The following NDE1 variants were observed in gnomAD, a reference collection of about 807,000 sequenced individuals.
The protein encoded by NDE1 is nudE neurodevelopment protein 1, also known as nuclear distribution protein nudE homolog 1.
A neutral mutation model predicts 43.4 loss-of-function variants in NDE1; 28 were observed. The ratio of observed to expected loss-of-function variants is 0.65; its 90% CI spans 0.48 to 0.89. NDE1 has a LOEUF of 0.89. NDE1 is among the 40% of genes least tolerant of loss of function. The pLI is 0.00. For missense variants in NDE1, 441 were observed against 434.1 expected (o/e 1.02, Z -0.14); for synonymous variants, 184 against 172.0 (o/e 1.07, Z -0.55).
At chr16:15,717,942 G>C (rs755255914) in intron 8 of NDE1, 11 of 363,770 alleles carry the variant, frequency 3.0e-5, no homozygotes, top group Non-Finnish European at 4.7e-5. Context: ...ATGGTCCCTA[G>C]TGCCCACCAT....
At chr16:15,720,117 T>C in intron 8 of NDE1, 1 of 1,613,856 alleles carries the variant, frequency 6.2e-7, no homozygotes. Context: ...GTGCCCTCCC[T>C]CCACCCATGC....
chr16:15,674,345 G>T (rs2037756920), intron 3 of NDE1, among the ~76,000 whole-genome samples: 1 of 152,126 alleles, frequency 6.6e-6, no homozygotes, highest in African/African-American at 2.4e-5. Context: ...CTGGGTTCAA[G>T]CGATTCTCCT....
At position 15,724,686 on chromosome 16, in the gene NDE1, C is replaced by G. The variant is rs1227526466; in HGVS notation, c.*435C>G. The G allele has an allele frequency of 6.2e-7, 1 of 1,614,182 alleles. No homozygotes were observed. Among genetic ancestry groups the G allele is most frequent in the Admixed American group, 1.7e-5 (1 of 60,022 alleles). ...TGGAGATGTGGCGCTCCAGGTTCTG[C>G]TTGGCCTCCATCTCCTCGTCCAGCT... On this transcript the variant is annotated 3_prime_UTR_variant, in exon 9 of 9. Coordinates refer to ENST00000396354, the MANE Select transcript of NDE1 (RefSeq NM_017668.3).
chr16:15,714,614 TGGA>T (rs1567682748), intron 8 of NDE1: 1 of 545,270 alleles, frequency 1.8e-6, no homozygotes, highest in Non-Finnish European at 3.3e-6. Flanking sequence ...AAGGAGGGGC[TGGA>T]GGAGACAGTG....
chr16:15,718,090 T>TGGCTGGAAAATGAGACACTGCAGC (rs1331289811), intron 8 of NDE1: 1 of 675,968 alleles, frequency 1.5e-6, no homozygotes, highest in East Asian at 2.8e-5. Context: ...AGCCACGCCG[T>TGGCTGGAAAATGAGACACTGCAGC]GGCTGGAAAA....
intron 8 of NDE1, among the ~76,000 whole-genome samples, chr16:15,698,577 G>C (rs961287896): frequency 6.6e-5 from 10 of 152,076 alleles, no homozygotes; most frequent in Admixed American, 6.6e-4. Context: ...TTTTAGGCCA[G>C]GTGCAGTGAA....
intron 8 of NDE1, chr16:15,717,005 C>A (rs2040187845): frequency 7.1e-6 from 7 of 979,670 alleles, no homozygotes; most frequent in South Asian, 2.6e-5. Flanking sequence ...TCACAACATA[C>A]CTGCACTGTA....
Position 15,664,856 on chromosome 16 carries a change from A to C in NDE1, c.78A>C (p.Lys26Asn). ...NYWKDLAMTYKQRAENTQEEL... is the reference protein window; with the variant it reads ...NYWKDLAMTYNQRAENTQEEL... ...GGAAAGATCTGGCGATGACCTACAA[A>C]CAGAGGTCAGTCCGAGTTCACCTGC... Residue 26 changes from lysine (K) to asparagine (N), a missense_variant, in exon 2 of 9, where the codon AAA becomes AAC. Coordinates refer to ENST00000396354, the MANE Select transcript of NDE1 (RefSeq NM_017668.3). The C allele has an allele frequency of 6.2e-7, 1 of 1,610,028 alleles. No individual in the cohort carries two copies. The highest frequency in any genetic ancestry group is 8.5e-7 in the Non-Finnish European group (1 of 1,176,808).
chr16:15,702,794 T>C (rs569796636), intron 8 of NDE1, among the ~76,000 whole-genome samples: 25 of 152,306 alleles, frequency 1.6e-4, no homozygotes, highest in African/African-American at 5.8e-4. Context: ...TCCTGTATTT[T>C]TCTTAAGATA....
intron 1 of NDE1, among the ~76,000 whole-genome samples, chr16:15,664,231 A>C (rs1370599234): frequency 6.6e-6 from 1 of 152,088 alleles, no homozygotes; most frequent in Non-Finnish European, 1.5e-5. Context: ...AAATATTTGC[A>C]TAGGGATATC....
chr16:15,680,742 G>A (rs913015671), intron 4 of NDE1, among the ~76,000 whole-genome samples: 1 of 152,128 alleles, frequency 6.6e-6, no homozygotes, highest in African/African-American at 2.4e-5. Flanking sequence ...GTTTTGCGAT[G>A]TTGGAGAGGC....
upstream of NDE1, among the ~76,000 whole-genome samples, chr16:15,647,477 G>A (rs1343506321): frequency 6.6e-6 from 1 of 151,828 alleles, no homozygotes; most frequent in African/African-American, 2.4e-5. Flanking sequence ...GCTTTCCTGT[G>A]GTTCATCACC....
intron 8 of NDE1, chr16:15,720,065 C>T (rs2040384267): frequency 5.1e-6 from 8 of 1,580,634 alleles, no homozygotes; most frequent in Non-Finnish European, 7.0e-6. Context: ...AGGCTTGCTT[C>T]CTGGAGCCCG....
intron 8 of NDE1, among the ~76,000 whole-genome samples, chr16:15,707,673 C>A (rs1445424364): frequency 6.6e-6 from 1 of 152,186 alleles, no homozygotes; most frequent in Non-Finnish European, 1.5e-5. Flanking sequence ...GAAGTCAGAT[C>A]CACATGGCCT....
chr16:15,653,175 T>C (rs1235484455), intron 1 of NDE1, among the ~76,000 whole-genome samples: 3 of 152,170 alleles, frequency 2.0e-5, no homozygotes, highest in African/African-American at 7.2e-5. Flanking sequence ...TTCTTCCATA[T>C]TAGTACTTAC....
At chr16:15,721,296 C>T (rs1596720427) in intron 8 of NDE1, 3 of 1,191,926 alleles carry the variant, frequency 2.5e-6, no homozygotes, top group Non-Finnish European at 3.6e-6. Context: ...GTCCAAAAAC[C>T]TCCTTCCATT....
At chr16:15,686,516 C>T in intron 4 of NDE1, 1 of 985,318 alleles carries the variant, frequency 1.0e-6, no homozygotes, top group Non-Finnish European at 1.2e-6. Context: ...CTTCCACCTG[C>T]TTAAGTGCAT....
intron 5 of NDE1, among the ~76,000 whole-genome samples, chr16:15,689,142 ATT>A (rs2038599899): frequency 6.6e-6 from 1 of 152,198 alleles, no homozygotes; most frequent in Non-Finnish European, 1.5e-5. Context: ...ACATAGATGT[ATT>A]TTGTGAAATG....
chr16:15,697,710 A>G lies in NDE1; in HGVS notation c.947+850A>G, dbSNP rs145988895. 2.4e-3 allele frequency among the ~76,000 whole-genome samples: 372 copies of G among 152,222 alleles called. 2 individuals carry two copies. The highest frequency in any genetic ancestry group is 8.4e-3 in the African/African-American group (348 of 41,542). ...CCTGGGTGACAGAGCAAGACTCCAT[A>G]TCAAAAAGTTAATTAATTAGTTAAA... On this transcript the variant is annotated intron_variant, in intron 8 of 8. Transcript: ENST00000396354.
Sources: gnomAD v4.1 joint callset for allele counts (sites outside exome capture counted in the v4.1 genomes callset) on GRCh38, gnomAD v4.1.1 for gene constraint, MANE v1.5 for transcripts, NCBI Gene and HGNC (gene_info 2026-07-23, HGNC 2026-07-21) for gene names.